The following TRRAP variants were observed in gnomAD, a reference collection of about 807,000 sequenced individuals.
The protein encoded by TRRAP is transformation/transcription domain associated protein.
Under a neutral mutation model 438.8 loss-of-function variants are expected in TRRAP, and 41 were observed. The observed-to-expected ratio is 0.09, with a 90% CI of 0.07 to 0.12. The LOEUF is 0.12. TRRAP is among the 10% of genes least tolerant of loss of function. The pLI, the probability that TRRAP is intolerant of heterozygous loss-of-function variation, is 1.00. For missense variants in TRRAP, 3,122 were observed against 5,055.1 expected, an observed-to-expected ratio of 0.62 and a Z score of 11.60; for synonymous variants, 1,994 against 1,962.9, an observed-to-expected ratio of 1.02 and a Z score of -0.42.
chr7:98,902,908 T>TAAAAA (rs34223624), intron 11 of TRRAP, among the ~76,000 whole-genome samples: 1 of 132,142 alleles, frequency 7.6e-6, no homozygotes, highest in Non-Finnish European at 1.6e-5. Flanking sequence ...CCCCCATTTC[T>TAAAAA]AAAAAAAAAA....
chr7:98,935,038 C>A (rs1428197164), intron 27 of TRRAP, among the ~76,000 whole-genome samples: 4 of 151,880 alleles, frequency 2.6e-5, no homozygotes, highest in African/African-American at 9.7e-5. Flanking sequence ...ATTTAGATAA[C>A]AGATAGAGAA....
Position 98,921,807 on chromosome 7 carries a change from C to T in TRRAP, c.2677C>T (p.Arg893Cys). ...TGACAGCATCTCCCACGTGGCCTAC[C>T]GTGTGCTCGGTAAGTTTGGCGGCAG... ...PADSISHVAY[R>C]VLGKFGGSNR... The change falls in exon 21 of 73, where the codon CGT becomes TGT. Residue 893 changes from arginine (R) to cysteine (C), a missense_variant. Coordinates refer to ENST00000456197, the MANE Select transcript of TRRAP (RefSeq NM_001375524.1). The T allele has an allele frequency of 6.2e-7, 1 of 1,614,222 alleles. No homozygotes were observed. The highest frequency in any genetic ancestry group is 8.5e-7 in the Non-Finnish European group (1 of 1,180,050).
At position 98,984,429 on chromosome 7, in the gene TRRAP, G is replaced by A. The variant is rs1793064072; in HGVS notation, c.9288+71G>A. On this transcript the variant is annotated intron_variant, in intron 61 of 72. Transcript: ENST00000456197. Reference sequence around the variant, plus strand: ...CCAGGTGGAGAATGAGGCAATGTGGGGTCTCCTGGTTCAGAATATAAGGAA... The same window carrying A: ...CCAGGTGGAGAATGAGGCAATGTGGAGTCTCCTGGTTCAGAATATAAGGAA... The A allele has an allele frequency of 2.7e-6, 4 of 1,469,138 alleles. No individual in the cohort carries two copies. The South Asian group carries it at 6.0e-5, about 22-fold the overall frequency. The allele number at this position is 1,469,138 out of a possible 1,614,324, so 91.0% of individuals were successfully genotyped here.
Position 98,908,871 on chromosome 7 carries a change from G to C in TRRAP, c.1259G>C (p.Cys420Ser). 1 of 1,614,000 alleles carries C rather than the reference G, an allele frequency of 6.2e-7. No individual in the cohort carries two copies. Among genetic ancestry groups the C allele is most frequent in the Non-Finnish European group, 8.5e-7 (1 of 1,179,954 alleles). Residue 420 changes from cysteine (C) to serine (S), a missense_variant, in exon 14 of 73, where the codon TGC becomes TCC. Physicochemically the swap from Cys to Ser is moderately radical, Grantham distance 112. This residue lies in a region of TRRAP where 343 missense variants were observed against 564.0 expected (regional missense o/e 0.61). Transcript: ENST00000456197. The surrounding 1 kb of genome is among the most constrained non-coding windows in gnomAD (Gnocchi z 4.1). Reference protein sequence around the residue: ...SLPSSIQTMSCKLLLNLVDCI... With the variant: ...SLPSSIQTMSSKLLLNLVDCI... ...CCCAGCAGCATCCAGACCATGTCCT[G>C]CAAGCTCCTGCTGAACCTGGTGGAC...
At chr7:98,996,247 C>G (rs1420272111) in intron 67 of TRRAP, among the ~76,000 whole-genome samples, 1 of 152,098 alleles carries the variant, frequency 6.6e-6, no homozygotes, top group Non-Finnish European at 1.5e-5. Context: ...ACACCCACAT[C>G]CACCGCGGTG....
rs765168521 is a variant in TRRAP at position 98,981,930 on chromosome 7, A to G, written c.8796A>G (p.Val2932=). The part of the protein sequence containing the change: ...AIREWRRLPH[V]VSHVHTPLLQ... ...GCGAGTGGCGGCGGCTGCCCCACGTAGTGTCCCACGTGCACACGCCTCTCC... is the reference window on the plus strand; with the variant it reads ...GCGAGTGGCGGCGGCTGCCCCACGTGGTGTCCCACGTGCACACGCCTCTCC... Residue 2932 remains valine, a synonymous_variant, in exon 59 of 73, where the codon GTA becomes GTG. Transcript: ENST00000456197. 5.6e-6 allele frequency: 9 copies of G among 1,606,916 alleles called. No individual in the cohort carries two copies. Among genetic ancestry groups the G allele is most frequent in the East Asian group, 2.2e-5 (1 of 44,570 alleles).
At chr7:98,920,761 C>T (rs1246274555) in intron 20 of TRRAP, among the ~76,000 whole-genome samples, 1 of 152,088 alleles carries the variant, frequency 6.6e-6, no homozygotes, top group African/African-American at 2.4e-5. Context: ...AATAAATAGA[C>T]TTAAAAACCT....
At position 98,959,474 on chromosome 7, in the gene TRRAP, A is replaced by G; in HGVS notation, c.6473A>G (p.Lys2158Arg). 1 of 1,613,926 alleles carries G rather than the reference A, an allele frequency of 6.2e-7. No homozygotes were observed. ...KSELKLQWFD[K>R]LLMTVEQPNQ... ...GAACTCAAGCTGCAGTGGTTCGACA[A>G]GCTGCTGATGACTGTGGTGAGTGCG... Residue 2158 changes from lysine (K) to arginine (R), a missense_variant, in exon 45 of 73, where the codon AAG becomes AGG. Physicochemically the swap from Lys to Arg is conservative, Grantham distance 26. Around this residue, in one of 24 missense-constraint regions of TRRAP, gnomAD observed 992 missense variants for 1,281.2 expected, o/e 0.77. Coordinates refer to ENST00000456197, the MANE Select transcript of TRRAP (RefSeq NM_001375524.1).
chr7:98,992,442 C>T (rs1050461858), intron 65 of TRRAP, among the ~76,000 whole-genome samples: 2 of 152,124 alleles, frequency 1.3e-5, no homozygotes, highest in African/African-American at 4.8e-5. Flanking sequence ...TTCATTTATC[C>T]GAGTGATTTG....
rs370423667 is a variant in TRRAP at position 98,903,447 on chromosome 7, A to G, written c.966A>G (p.Ala322=). 6.8e-6 allele frequency: 11 copies of G among 1,614,246 alleles called. No homozygotes were observed. In the African/African-American group the frequency reaches 1.3e-4, roughly 20 times the overall value. The change falls in exon 12 of 73, where the codon GCA becomes GCG. Residue 322 remains alanine, a synonymous_variant. Coordinates refer to ENST00000456197, the MANE Select transcript of TRRAP (RefSeq NM_001375524.1). ...TCCAGTTACTTTCAAATTGTCCAGCAGAGACTGCACACCTCAGAAAGGAGC... is the reference window on the plus strand; with the variant it reads ...TCCAGTTACTTTCAAATTGTCCAGCGGAGACTGCACACCTCAGAAAGGAGC... The part of the protein sequence containing the change: ...GMLQLLSNCP[A]ETAHLRKELL...
At chr7:98,932,863 A>G (rs1297168445) in intron 26 of TRRAP, among the ~76,000 whole-genome samples, 8 of 152,188 alleles carry the variant, frequency 5.3e-5, no homozygotes, top group Non-Finnish European at 1.2e-4. Context: ...ACAGAGGGCT[A>G]GCTCTACCGT....
intron 65 of TRRAP, among the ~76,000 whole-genome samples, chr7:98,992,973 G>T (rs1278011740): frequency 6.6e-6 from 1 of 152,038 alleles, no homozygotes. Flanking sequence ...GTGTAGAGAG[G>T]TAAATTCAGA....
intron 53 of TRRAP, among the ~76,000 whole-genome samples, chr7:98,975,202 C>T (rs1792601306): frequency 6.6e-6 from 1 of 152,246 alleles, no homozygotes; most frequent in South Asian, 2.1e-4. Context: ...TAAATGTTTT[C>T]ACCCATTTTC....
intron 69 of TRRAP, among the ~76,000 whole-genome samples, chr7:99,006,939 G>C (rs1386194598): frequency 6.6e-6 from 1 of 152,258 alleles, no homozygotes; most frequent in African/African-American, 2.4e-5. Context: ...TGGGGAGACA[G>C]GCTCTGGAGT....
chr7:98,983,335 A>G lies in TRRAP; in HGVS notation c.8898A>G (p.Gly2966=), dbSNP rs1436490739. Residue 2966 remains glycine, a synonymous_variant, in exon 60 of 73, where the codon GGA becomes GGG. Coordinates refer to ENST00000456197, the MANE Select transcript of TRRAP (RefSeq NM_001375524.1). Reference sequence around the variant, plus strand: ...CAGGCTTACAGCCAACCAACCTGGGAAGGAACAACAGCCTGCACGACATGA... The same window carrying G: ...CAGGCTTACAGCCAACCAACCTGGGGAGGAACAACAGCCTGCACGACATGA... ...INAGLQPTNL[G]RNNSLHDMKT... 7.4e-6 allele frequency: 12 copies of G among 1,614,184 alleles called. No individual in the cohort carries two copies. The East Asian group carries it at 2.7e-4, about 36-fold the overall frequency.
rs1382120671 is a variant in TRRAP at position 98,967,561 on chromosome 7, C to G, written c.7375C>G (p.Pro2459Ala). 2.5e-6 allele frequency: 4 copies of G among 1,613,994 alleles called. No individual in the cohort carries two copies. Among genetic ancestry groups the G allele is most frequent in the African/African-American group, 2.7e-5 (2 of 74,904 alleles). ...AFLSGLRCAQ[P>A]LIRAKFFEVF... Reference sequence around the variant, plus strand: ...TCTCTCTGGGCTGCGCTGTGCCCAGCCACTCATCAGGGCAAAGTTTTTCGA... The same window carrying G: ...TCTCTCTGGGCTGCGCTGTGCCCAGGCACTCATCAGGGCAAAGTTTTTCGA... Residue 2459 changes from proline to alanine, a missense_variant, in exon 51 of 73, where the codon CCA (proline) becomes GCA (alanine). Pro to Ala is a conservative substitution (Grantham distance 27, BLOSUM62 -1). This residue lies in a region of TRRAP where 992 missense variants were observed against 1,281.2 expected (regional missense o/e 0.77). Coordinates refer to ENST00000456197, the MANE Select transcript of TRRAP (RefSeq NM_001375524.1).
intron 18 of TRRAP, among the ~76,000 whole-genome samples, chr7:98,915,105 C>T (rs893794109): frequency 3.3e-5 from 5 of 151,832 alleles, no homozygotes; most frequent in Non-Finnish European, 5.9e-5. Context: ...TTAAGTCTTC[C>T]AAAACGCTAT....
Position 98,988,962 on chromosome 7 carries a change from C to A in TRRAP, c.9587C>A (p.Ala3196Asp). 6.2e-7 allele frequency: 1 copy of A among 1,612,816 alleles called. No individual in the cohort carries two copies. Among genetic ancestry groups the A allele is most frequent in the Non-Finnish European group, 8.5e-7 (1 of 1,179,420 alleles). The change falls in exon 63 of 73, where the codon GCC becomes GAC. Residue 3196 changes from alanine to aspartate, a missense_variant. This residue lies in a region of TRRAP where 52 missense variants were observed against 88.3 expected (regional missense o/e 0.59). Transcript: ENST00000456197. ...GAGAGCAAATCGAGGAAATACTTAG[C>A]CAAGGTGAGACCGAAAAAACGAGCT... ...QNESKSRKYLAKVLWLLSFDD... is the reference protein window; with the variant it reads ...QNESKSRKYLDKVLWLLSFDD...
In TRRAP at chr7:98,976,981, G is replaced by A; in HGVS notation, c.8290G>A (p.Glu2764Lys). 6.2e-7 allele frequency: 1 copy of A among 1,614,226 alleles called. No individual in the cohort carries two copies. The change falls in exon 56 of 73, where the codon GAG (glutamate) becomes AAG (lysine). Residue 2764 changes from glutamate (E) to lysine (K), a missense_variant. By Grantham distance (56) the Glu-to-Lys change is moderately conservative. Around this residue, in one of 24 missense-constraint regions of TRRAP, gnomAD observed 992 missense variants for 1,281.2 expected, o/e 0.77. Coordinates refer to ENST00000456197, the MANE Select transcript of TRRAP (RefSeq NM_001375524.1). The surrounding 1 kb of genome is among the most constrained non-coding windows in gnomAD (Gnocchi z 4.6). ...TGCGGAGCTTTACTCCCTGTTACAA[G>A]AGGAAGATATGTGGGCTGGTCTGTG... ...SLAELYSLLQEEDMWAGLWQK... is the reference protein window; with the variant it reads ...SLAELYSLLQKEDMWAGLWQK...
Sources: gnomAD v4.1 joint callset for allele counts (sites outside exome capture counted in the v4.1 genomes callset) on GRCh38, gnomAD v4.1.1 for gene constraint, gnomAD v4.1.1 regional missense constraint, Gnocchi (gnomAD v3.1) non-coding constraint, MANE v1.5 for transcripts, NCBI Gene and HGNC (gene_info 2026-07-23, HGNC 2026-07-21) for gene names.